Variants in WIPF1 observed in about 807,000 individuals in gnomAD.
WIPF1 encodes WAS/WASL interacting protein family member 1, also known as WAS/WASL-interacting protein family member 1.
Under a neutral mutation model 35.4 loss-of-function variants are expected in WIPF1, and 13 were observed. The observed-to-expected ratio is 0.37, with a 90% CI of 0.24 to 0.58. The LOEUF is 0.58. Ranked by LOEUF, WIPF1 falls within the 20% of genes least tolerant of loss-of-function variation. The probability of loss-of-function intolerance (pLI) is 0.74; values close to 1 mark genes in which losing one functional copy is unlikely to be tolerated. For missense variants in WIPF1, 591 were observed against 667.0 expected (o/e 0.89, Z 1.25); for synonymous variants, 267 against 266.3 (o/e 1.00, Z -0.02).
At chr2:174,565,673 G>C (rs1684636236) in intron 7 of WIPF1, among the ~76,000 whole-genome samples, 1 of 152,162 alleles carries the variant, frequency 6.6e-6, no homozygotes, top group Non-Finnish European at 1.5e-5. Flanking sequence ...TGTTAGGAAA[G>C]AATCAGTAGG....
intron 1 of WIPF1, among the ~76,000 whole-genome samples, chr2:174,649,195 AC>A (rs1451568751): frequency 6.6e-6 from 1 of 152,150 alleles, no homozygotes; most frequent in East Asian, 1.9e-4. Flanking sequence ...TTAAAAATAC[AC>A]GTATTTCAGA....
chr2:174,598,893 T>C (rs192869517), upstream of WIPF1, among the ~76,000 whole-genome samples: 94 of 152,332 alleles, frequency 6.2e-4, 1 homozygote, highest in Admixed American at 5.8e-3. Flanking sequence ...GAGTTATGTA[T>C]AGAACGATCT....
At position 174,571,795 on chromosome 2, in the gene WIPF1, C is replaced by T. The variant is rs966184436; in HGVS notation, c.1010G>A (p.Arg337Gln). The change falls in exon 5 of 8, where the codon CGG (arginine) becomes CAG (glutamine). Residue 337 changes from arginine to glutamine, a missense_variant. Arg to Gln is a conservative substitution (Grantham distance 43, BLOSUM62 1). Coordinates refer to ENST00000679041, the MANE Select transcript of WIPF1 (RefSeq NM_001375834.1). This position sits in a 1 kb window ranked among gnomAD's most constrained non-coding sequence, Gnocchi z 4.6. The part of the protein sequence containing the change: ...GNDETPRLPQ[R>Q]NLSLSSSTPP... ...CGTGGACGAACTGAGGGACAGATTCCGCTGTGGGAGTCTTGGGGTTTCGTC... is the reference window on the plus strand; with the variant it reads ...CGTGGACGAACTGAGGGACAGATTCTGCTGTGGGAGTCTTGGGGTTTCGTC... The T allele has an allele frequency of 1.9e-6, 3 of 1,614,084 alleles. No homozygotes were observed. The African/African-American group carries it at 4.0e-5, about 22-fold the overall frequency.
upstream of WIPF1, among the ~76,000 whole-genome samples, chr2:174,600,912 CTTTTTTTTTTTTTTTTTT>C (rs1157973597): frequency 1.5e-4 from 10 of 65,428 alleles, no homozygotes; most frequent in African/African-American, 5.3e-4. Context: ...CATAATGTTC[CTTTTTTTTTTTTTTTTTT>C]TTTTTTTTTT....
At chr2:174,613,698 G>GA (rs1273268100) in intron 1 of WIPF1, among the ~76,000 whole-genome samples, 1 of 152,160 alleles carries the variant, frequency 6.6e-6, no homozygotes, top group Non-Finnish European at 1.5e-5. Context: ...GGTAAAAGAG[G>GA]AAACAAGGGT....
Position 174,674,948 on chromosome 2 carries a change from A to ACACACACACG in WIPF1, c.-39+7825_-39+7826insCGTGTGTGTG, listed in dbSNP as rs576751803. On this transcript the variant is annotated intron_variant, in intron 1 of 8. Coordinates refer to the WIPF1 transcript ENST00000272746. ...CACACACACACACACACACACACAC[A>ACACACACACG]GATGTTCCAGGAAGAATGGTTGTAG... Among the ~76,000 whole-genome samples, 861 of 147,186 alleles carry ACACACACACG rather than the reference A, an allele frequency of 5.8e-3. 36 individuals carry two copies. The highest frequency in any genetic ancestry group is 0.02 in the African/African-American group (802 of 39,504).
intron 1 of WIPF1, among the ~76,000 whole-genome samples, chr2:174,632,419 A>G (rs1347824712): frequency 1.3e-5 from 2 of 152,178 alleles, no homozygotes; most frequent in African/African-American, 2.4e-5. Flanking sequence ...TACAAAAATG[A>G]CATCAGGCAG....
At chr2:174,595,140 A>ATATATATATATATATATATAT (rs1260140362) in intron 1 of WIPF1, among the ~76,000 whole-genome samples, 1 of 128,542 alleles carries the variant, frequency 7.8e-6, no homozygotes, top group Admixed American at 8.4e-5. Context: ...ATATATATAT[A>ATATATATATATATATATATAT]ATTAACTGGG....
chr2:174,575,843 A>G (rs1288239644), intron 3 of WIPF1, among the ~76,000 whole-genome samples: 2 of 152,260 alleles, frequency 1.3e-5, no homozygotes, highest in East Asian at 3.9e-4. Context: ...CTGTCTCAGT[A>G]AAAAGGATCT....
intron 1 of WIPF1, among the ~76,000 whole-genome samples, chr2:174,614,243 A>G (rs1686439973): frequency 6.6e-6 from 1 of 152,214 alleles, no homozygotes; most frequent in South Asian, 2.1e-4. Flanking sequence ...AAATTCCAAG[A>G]GCCGAATGCC....
chr2:174,627,297 C>A (rs1170823797), intron 1 of WIPF1, among the ~76,000 whole-genome samples: 1 of 152,012 alleles, frequency 6.6e-6, no homozygotes, highest in African/African-American at 2.4e-5. Flanking sequence ...ATGGAAGATA[C>A]TTAATAAATA....
At chr2:174,635,537 T>G (rs1171934381) in intron 1 of WIPF1, among the ~76,000 whole-genome samples, 3 of 147,232 alleles carry the variant, frequency 2.0e-5, no homozygotes, top group East Asian at 2.0e-4. Flanking sequence ...TTGTTTTTTT[T>G]TTTTTTTTTT....
chr2:174,667,275 T>C (rs1302556133), intron 1 of WIPF1, among the ~76,000 whole-genome samples: 1 of 152,168 alleles, frequency 6.6e-6, no homozygotes, highest in Non-Finnish European at 1.5e-5. Context: ...CTGCAGGAAT[T>C]GTAAAGAATT....
intron 3 of WIPF1, 125 bp from the exon 4 acceptor site, chr2:174,575,505 TA>T: frequency 7.0e-7 from 1 of 1,436,924 alleles, no homozygotes; most frequent in African/African-American, 1.4e-5. Flanking sequence ...ATTTCTTCAT[TA>T]AAATGCAGGA....
chr2:174,563,672 A>G (rs1379840508), intron 7 of WIPF1, among the ~76,000 whole-genome samples: 2 of 152,168 alleles, frequency 1.3e-5, no homozygotes, highest in Non-Finnish European at 2.9e-5. Context: ...CTACACAAAC[A>G]TTTGTTGAGG....
In WIPF1 at chr2:174,560,991, A is replaced by G. The variant is rs1229802797; in HGVS notation, c.*1556T>C. 1 of 152,658 alleles carries G rather than the reference A, an allele frequency of 6.6e-6. No homozygotes were observed. The highest frequency in any genetic ancestry group is 2.4e-5 in the African/African-American group (1 of 41,454). 9.5% of individuals were successfully genotyped at this position (152,658 alleles called of 1,614,324 possible). A position where few individuals can be genotyped will look rare whatever the true frequency, so the allele number is the denominator to read the frequency against. On this transcript the variant is annotated 3_prime_UTR_variant, in exon 8 of 8. Transcript: ENST00000679041. ...TACATATGTGGTCATGTGTTTTTAA[A>G]AAACAAGTAATGGTAATTTTAAACA...
At chr2:174,617,689 C>T (rs184540183) in intron 1 of WIPF1, among the ~76,000 whole-genome samples, 45 of 152,302 alleles carry the variant, frequency 3.0e-4, no homozygotes, top group African/African-American at 1.0e-3. Context: ...GGTTGGAACG[C>T]GCACCCTGTG....
chr2:174,669,489 C>A lies in WIPF1; in HGVS notation c.-39+13285G>T, dbSNP rs540879995. On this transcript the variant is annotated intron_variant, in intron 1 of 8. Transcript: ENST00000272746. ...CACCAGGTATATGCCAAGCATTACA[C>A]TTGTCACTGGCAATAAAGAGGGTAA... Among the ~76,000 whole-genome samples, 40 of 152,348 alleles carry A rather than the reference C, an allele frequency of 2.6e-4. No homozygotes were observed. In the South Asian group the frequency reaches 7.7e-3, roughly 29 times the overall value.
chr2:174,646,925 T>C (rs991471347), intron 1 of WIPF1, among the ~76,000 whole-genome samples: 2 of 152,178 alleles, frequency 1.3e-5, no homozygotes, highest in African/African-American at 4.8e-5. Flanking sequence ...ATGAACTTTA[T>C]TTCTGAGGGT....
Sources: allele counts gnomAD v4.1 joint callset (sites outside exome capture counted in the v4.1 genomes callset), GRCh38; gene constraint gnomAD v4.1.1; non-coding constraint Gnocchi (gnomAD v3.1); transcripts MANE v1.5; gene names NCBI Gene and HGNC (gene_info 2026-07-23, HGNC 2026-07-21).